The following GPHN variants were observed in gnomAD, a reference collection of about 807,000 sequenced individuals.
GPHN encodes gephyrin.
In GPHN, 17 loss-of-function variants were observed where a neutral mutation model predicts 95.5. The observed-to-expected ratio is 0.18, with a 90% CI of 0.12 to 0.27. GPHN has a LOEUF of 0.27. Ranked by LOEUF, GPHN falls within the 10% of genes least tolerant of loss-of-function variation. The probability of loss-of-function intolerance (pLI) is 1.00; values close to 1 mark genes in which losing one functional copy is unlikely to be tolerated. For missense variants in GPHN, 660 were observed against 978.1 expected (o/e 0.67, Z 4.34); for synonymous variants, 320 against 322.5 (o/e 0.99, Z 0.08).
chr14:67,523,333 A>AAG, the GPHN span, among the ~76,000 whole-genome samples: 1 of 152,062 alleles, frequency 6.6e-6, no homozygotes, highest in African/African-American at 2.4e-5. Flanking sequence ...AAAAAAAAAA[A>AAG]AAAGAAAAGA....
intron 2 of GPHN, among the ~76,000 whole-genome samples, chr14:66,704,726 G>GA (rs1172571152): frequency 6.6e-6 from 1 of 152,034 alleles, no homozygotes; most frequent in African/African-American, 2.4e-5. Flanking sequence ...ATCTCAGATC[G>GA]ACACCCTATC....
chr14:66,962,521 C>A (rs2069023666), intron 8 of GPHN, among the ~76,000 whole-genome samples: 1 of 151,804 alleles, frequency 6.6e-6, no homozygotes. Context: ...ATCTTTATCA[C>A]TTTTACTTCC....
At chr14:67,646,699 T>C in the GPHN span, 28 of 1,613,900 alleles carry the variant, frequency 1.7e-5, no homozygotes, top group Non-Finnish European at 1.8e-5. Flanking sequence ...TCTGCAAGTA[T>C]TGTGTATATT....
intron 2 of GPHN, among the ~76,000 whole-genome samples, chr14:66,725,769 A>G (rs900045234): frequency 3.3e-5 from 5 of 152,222 alleles, no homozygotes; most frequent in African/African-American, 9.6e-5. Context: ...TGTGTATTCA[A>G]TTAAAATTCC....
chr14:66,554,197 G>A (rs1345340839), intron 1 of GPHN, among the ~76,000 whole-genome samples: 1 of 152,150 alleles, frequency 6.6e-6, no homozygotes, highest in Non-Finnish European at 1.5e-5. Context: ...GGATGCATAT[G>A]TGATCAAGGG....
chr14:67,515,844 C>T, the GPHN span, among the ~76,000 whole-genome samples: 2 of 152,078 alleles, frequency 1.3e-5, no homozygotes, highest in African/African-American at 4.8e-5. Context: ...GACCTGCGGT[C>T]AGTTCATGGA....
intron 21 of GPHN, among the ~76,000 whole-genome samples, chr14:67,175,418 T>C (rs768070282): frequency 2.0e-5 from 3 of 152,138 alleles, no homozygotes; most frequent in Non-Finnish European, 4.4e-5. Flanking sequence ...GAGGCCTCTG[T>C]TTTGTTCCAT....
the GPHN span, among the ~76,000 whole-genome samples, chr14:67,345,054 C>T: frequency 2.1e-3 from 311 of 149,996 alleles, no homozygotes; most frequent in Non-Finnish European, 1.8e-3. Context: ...CCAGCCTGGA[C>T]GACATGGTGA....
At chr14:67,283,678 G>A in the GPHN span, among the ~76,000 whole-genome samples, 3 of 152,088 alleles carry the variant, frequency 2.0e-5, no homozygotes, top group African/African-American at 7.2e-5. Flanking sequence ...GGGATCATTT[G>A]AGAATTCTGT....
At chr14:66,840,354 C>A (rs190123364) in intron 4 of GPHN, among the ~76,000 whole-genome samples, 1 of 152,128 alleles carries the variant, frequency 6.6e-6, no homozygotes, top group East Asian at 1.9e-4. Flanking sequence ...AAACATTTAC[C>A]ATGGACAATA....
At chr14:67,731,390 T>C in the GPHN span, among the ~76,000 whole-genome samples, 2 of 151,746 alleles carry the variant, frequency 1.3e-5, no homozygotes, top group African/African-American at 4.8e-5. Context: ...AGTTTTTGTA[T>C]TTCTAGTAGA....
chr14:66,872,293 T>G (rs995504924), intron 4 of GPHN, among the ~76,000 whole-genome samples: 5 of 152,178 alleles, frequency 3.3e-5, no homozygotes, highest in African/African-American at 7.2e-5. Flanking sequence ...CATAATTTAC[T>G]TTTTGTTTGC....
the GPHN span, among the ~76,000 whole-genome samples, chr14:67,661,299 AG>A: frequency 3.1e-5 from 4 of 129,922 alleles, no homozygotes; most frequent in East Asian, 2.6e-4. Context: ...AAAAAAAAAA[AG>A]TTTTTTTTTT....
chr14:67,725,471 C>T, the GPHN span, among the ~76,000 whole-genome samples: 627 of 152,296 alleles, frequency 4.1e-3, 3 homozygotes, highest in Middle Eastern at 0.031. Flanking sequence ...ATGGGAATGT[C>T]GGAGGTGTTA....
At chr14:67,481,336 T>C in the GPHN span, among the ~76,000 whole-genome samples, 1 of 151,850 alleles carries the variant, frequency 6.6e-6, no homozygotes, top group African/African-American at 2.4e-5. Context: ...GAGAGAGAAA[T>C]ATGGTGTGCC....
the GPHN span, chr14:67,726,191 C>T: frequency 2.5e-6 from 3 of 1,191,810 alleles, no homozygotes; most frequent in Admixed American, 1.7e-5. Flanking sequence ...ATGAGGTACA[C>T]CCACTATCTT....
the GPHN span, among the ~76,000 whole-genome samples, chr14:67,257,749 G>A: frequency 5.3e-5 from 8 of 152,136 alleles, no homozygotes; most frequent in Admixed American, 5.2e-4. Flanking sequence ...AGAGTTAAAA[G>A]TGTTCTCTAT....
the GPHN span, among the ~76,000 whole-genome samples, chr14:67,538,190 T>A: frequency 6.6e-6 from 1 of 152,212 alleles, no homozygotes; most frequent in South Asian, 2.1e-4. Context: ...TTTTTGCCAT[T>A]AATGTATTTG....
chr14:67,089,457 C>G (rs1425214570), intron 12 of GPHN, among the ~76,000 whole-genome samples: 1 of 152,030 alleles, frequency 6.6e-6, no homozygotes, highest in African/African-American at 2.4e-5. Flanking sequence ...TCTGTCACAT[C>G]AAGTGTTTAT....
Sources: allele counts gnomAD v4.1 joint callset (sites outside exome capture counted in the v4.1 genomes callset), GRCh38; gene constraint gnomAD v4.1.1; transcripts MANE v1.5; gene names NCBI Gene and HGNC (gene_info 2026-07-23, HGNC 2026-07-21).